The following MAML1 variants were observed in gnomAD, a reference collection of about 807,000 sequenced individuals.
MAML1 encodes the protein mastermind like transcriptional coactivator 1.
A neutral mutation model predicts 77.1 loss-of-function variants in MAML1; 14 were observed. The ratio of observed to expected loss-of-function variants is 0.18; its 90% CI spans 0.12 to 0.28. MAML1 has a LOEUF of 0.28. Among genes scored for constraint, MAML1 ranks in the 10% least tolerant of loss-of-function variants. The pLI, the probability that MAML1 is intolerant of heterozygous loss-of-function variation, is 1.00. For synonymous variants in MAML1, 516 were observed against 551.9 expected (o/e 0.93, Z 0.91); for missense variants, 1,217 against 1,327.8 (o/e 0.92, Z 1.30).
intron 1 of MAML1, among the ~76,000 whole-genome samples, chr5:179,743,364 CTTTTTTT>C (rs1187480234): frequency 2.2e-5 from 2 of 91,768 alleles, no homozygotes; most frequent in African/African-American, 8.2e-5. Flanking sequence ...CTGCCCCACG[CTTTTTTT>C]TTTTTTTTTT....
rs1756084390 is a variant in MAML1 at position 179,774,455 on chromosome 5, T to C, written c.2629T>C (p.Ser877Pro). ...GCAGCAGCAGGCCCACCTGAAAATGTCTAGCCCGCAATTCTCCCAGGCAGT... is the reference window on the plus strand; with the variant it reads ...GCAGCAGCAGGCCCACCTGAAAATGCCTAGCCCGCAATTCTCCCAGGCAGT... ...HMQQQAHLKM[S>P]SPQFSQAVPN... The change falls in exon 5 of 5, where the codon TCT becomes CCT. Residue 877 changes from serine to proline, a missense_variant. By Grantham distance (74) the Ser-to-Pro change is moderately conservative. Around this residue, in one of 3 missense-constraint regions of MAML1, gnomAD observed 884 missense variants for 949.3 expected, o/e 0.93. Transcript: ENST00000292599. 6.2e-7 allele frequency: 1 copy of C among 1,613,172 alleles called. No individual in the cohort carries two copies. The highest frequency in any genetic ancestry group is 1.3e-5 in the African/African-American group (1 of 74,926).
Position 179,751,432 on chromosome 5 carries a change from A to G in MAML1, c.316-13894A>G, listed in dbSNP as rs145083456. On this transcript the variant is annotated intron_variant, in intron 1 of 4. Transcript: ENST00000292599. Reference sequence around the variant, plus strand: ...TACCACAGATTTTTTTGGTGCACTCACTTCAGTGGCTGTCACCTGTAATCC... The same window carrying G: ...TACCACAGATTTTTTTGGTGCACTCGCTTCAGTGGCTGTCACCTGTAATCC... Among the ~76,000 whole-genome samples, 1,510 of 152,270 alleles carry G rather than the reference A, an allele frequency of 9.9e-3. 31 individuals carry two copies. Among genetic ancestry groups the G allele is most frequent in the African/African-American group, 0.035 (1,442 of 41,552 alleles).
chr5:179,746,708 G>A (rs1779390276), intron 1 of MAML1, among the ~76,000 whole-genome samples: 1 of 152,092 alleles, frequency 6.6e-6, no homozygotes, highest in Non-Finnish European at 1.5e-5. Flanking sequence ...CCTGAATTGT[G>A]TGCCAAAAAA....
intron 1 of MAML1, among the ~76,000 whole-genome samples, chr5:179,753,686 G>A (rs1308582345): frequency 2.4e-5 from 3 of 127,554 alleles, no homozygotes. Context: ...TTGAGGCAGA[G>A]TTTCGCCCTT....
chr5:179,733,895 G>A (rs916459440), intron 1 of MAML1, among the ~76,000 whole-genome samples: 1 of 152,224 alleles, frequency 6.6e-6, no homozygotes, highest in African/African-American at 2.4e-5. Flanking sequence ...GCCTTTGGTT[G>A]ACCAACTGAA....
intron 1 of MAML1, among the ~76,000 whole-genome samples, chr5:179,745,816 T>C (rs1581927655): frequency 7.9e-6 from 1 of 126,438 alleles, no homozygotes; most frequent in African/African-American, 3.1e-5. Context: ...GCCGAGATCG[T>C]GCCACTGCAC....
intron 1 of MAML1, among the ~76,000 whole-genome samples, chr5:179,756,056 G>A (rs969422739): frequency 6.6e-6 from 1 of 151,636 alleles, no homozygotes; most frequent in African/African-American, 2.4e-5. Context: ...GAGCCACCAT[G>A]CCTGGCAGTT....
intron 2 of MAML1, among the ~76,000 whole-genome samples, chr5:179,768,326 A>G (rs1312584128): frequency 6.6e-6 from 1 of 152,208 alleles, no homozygotes; most frequent in Non-Finnish European, 1.5e-5. Flanking sequence ...GTGTGGTGGC[A>G]CATGCCTCTA....
chr5:179,752,602 T>TG (rs1779516935), intron 1 of MAML1, among the ~76,000 whole-genome samples: 1 of 117,948 alleles, frequency 8.5e-6, no homozygotes, highest in Non-Finnish European at 1.7e-5. Flanking sequence ...GATACTCTTT[T>TG]TTTTTTTTTT....
chr5:179,766,741 GGTAA>G lies in MAML1; in HGVS notation c.1731+4_1731+7del, dbSNP rs1779827610. On this transcript the variant is annotated splice_donor_variant and splice_donor_region_variant and intron_variant, in intron 2 of 4. Transcript: ENST00000292599. LOFTEE classifies it high-confidence loss of function. The surrounding 1 kb of genome is among the most constrained non-coding windows in gnomAD (Gnocchi z 4.0). ...TCCGATCACTGGTTCCACCTGGCCA[GGTAA>G]GTATGAGCCTTTGCTTTCTGTTCCT... 6.5e-7 allele frequency: 1 copy of G among 1,539,442 alleles called. No homozygotes were observed. The highest frequency in any genetic ancestry group is 2.3e-5 in the East Asian group (1 of 44,002).
intron 1 of MAML1, among the ~76,000 whole-genome samples, chr5:179,744,908 T>G (rs1779350605): frequency 6.6e-6 from 1 of 152,116 alleles, no homozygotes; most frequent in African/African-American, 2.4e-5. Context: ...ATAAATTTTT[T>G]TTTTTTTTCT....
At chr5:179,751,876 C>T (rs1779495038) in intron 1 of MAML1, among the ~76,000 whole-genome samples, 2 of 151,946 alleles carry the variant, frequency 1.3e-5, no homozygotes, top group East Asian at 1.9e-4. Flanking sequence ...TGGTGGTGTA[C>T]ACCTGTAGTT....
intron 1 of MAML1, among the ~76,000 whole-genome samples, chr5:179,738,411 T>C (rs548934824): frequency 3.3e-5 from 5 of 152,328 alleles, no homozygotes; most frequent in African/African-American, 1.2e-4. Context: ...ATAAAACAGA[T>C]ACTGTACTGT....
At chr5:179,752,342 A>ATATATAT (rs1351079259) in intron 1 of MAML1, among the ~76,000 whole-genome samples, 1,245 of 86,138 alleles carry the variant, frequency 0.014, 36 homozygotes, top group South Asian at 0.04. Flanking sequence ...AAAAAAAAAA[A>ATATATAT]AAAAAAAAAT....
intron 4 of MAML1, among the ~76,000 whole-genome samples, chr5:179,773,552 C>T (rs901471318): frequency 6.6e-6 from 1 of 152,252 alleles, no homozygotes; most frequent in Admixed American, 6.5e-5. Flanking sequence ...GCTAACTTTG[C>T]CTCCCAGAGG....
chr5:179,738,206 C>T (rs973822958), intron 1 of MAML1, among the ~76,000 whole-genome samples: 15 of 152,164 alleles, frequency 9.9e-5, no homozygotes, highest in African/African-American at 3.4e-4. Flanking sequence ...CTCCCACTCT[C>T]TGCCTCTTTC....
At chr5:179,762,429 G>C (rs1202992731) in intron 1 of MAML1, among the ~76,000 whole-genome samples, 1 of 152,080 alleles carries the variant, frequency 6.6e-6, no homozygotes, top group Admixed American at 6.6e-5. Flanking sequence ...ATGGGACTTA[G>C]GTCAGCGGGG....
intron 1 of MAML1, among the ~76,000 whole-genome samples, chr5:179,746,261 G>A (rs939228425): frequency 3.3e-5 from 5 of 151,718 alleles, no homozygotes; most frequent in African/African-American, 7.3e-5. Context: ...CAGGAGAATC[G>A]CTTGAACCTG....
chr5:179,776,451 T>C lies in MAML1; in HGVS notation c.*1574T>C. On this transcript the variant is annotated 3_prime_UTR_variant, in exon 5 of 5. Transcript: ENST00000292599. Reference sequence around the variant, plus strand: ...GGTACTTGGACCCTCAGATCTTCTTTTCTAATAGCCATTTGCCACCCCAAG... The same window carrying C: ...GGTACTTGGACCCTCAGATCTTCTTCTCTAATAGCCATTTGCCACCCCAAG... The C allele has an allele frequency of 1.0e-6, 1 of 985,870 alleles. No individual in the cohort carries two copies. Among genetic ancestry groups the C allele is most frequent in the Non-Finnish European group, 1.2e-6 (1 of 829,956 alleles). 61.1% of individuals were successfully genotyped at this position (985,870 alleles called of 1,614,324 possible).
Sources: gnomAD v4.1 joint callset for allele counts (sites outside exome capture counted in the v4.1 genomes callset) on GRCh38, gnomAD v4.1.1 for gene constraint, gnomAD v4.1.1 regional missense constraint, Gnocchi (gnomAD v3.1) non-coding constraint, MANE v1.5 for transcripts, NCBI Gene and HGNC (gene_info 2026-07-23, HGNC 2026-07-21) for gene names.